The following CTNNA3 variants were observed in gnomAD, a reference collection of about 807,000 sequenced individuals.
CTNNA3 encodes catenin alpha 3, also known as catenin alpha-3.
A neutral mutation model predicts 95.7 loss-of-function variants in CTNNA3; 76 were observed. That is an observed-to-expected ratio of 0.79 (90% CI 0.66 to 0.96). CTNNA3 has a LOEUF of 0.96. CTNNA3 is among the 40% of genes least tolerant of loss of function. CTNNA3 has a pLI of 0.00. For missense variants in CTNNA3, 1,191 were observed against 1,089.8 expected, an observed-to-expected ratio of 1.09 and a Z score of -1.31; for synonymous variants, 431 against 374.4, an observed-to-expected ratio of 1.15 and a Z score of -1.74.
intron 13 of CTNNA3, among the ~76,000 whole-genome samples, chr10:66,244,171 A>G (rs181834648): frequency 6.6e-6 from 1 of 152,256 alleles, no homozygotes; most frequent in Non-Finnish European, 1.5e-5. Flanking sequence ...CTGCCTATGG[A>G]AAGAGGTAGG....
At chr10:66,208,541 T>C (rs1273767060) in intron 13 of CTNNA3, among the ~76,000 whole-genome samples, 1 of 151,956 alleles carries the variant, frequency 6.6e-6, no homozygotes, top group Non-Finnish European at 1.5e-5. Flanking sequence ...CTTCAGTGAA[T>C]AGATTTTAAA....
intron 14 of CTNNA3, among the ~76,000 whole-genome samples, chr10:66,091,644 A>T (rs1451854246): frequency 2.6e-4 from 39 of 151,974 alleles, no homozygotes; most frequent in Non-Finnish European, 5.9e-5. Flanking sequence ...TGTTATGGAA[A>T]AAAGTAAAGA....
intron 11 of CTNNA3, among the ~76,000 whole-genome samples, chr10:66,470,694 A>G (rs1023450300): frequency 5.3e-5 from 8 of 151,896 alleles, no homozygotes. Flanking sequence ...AGAAGTAGGA[A>G]GAAAGCCAAG....
At chr10:67,760,306 T>G (rs1484192275) in intron 1 of CTNNA3, among the ~76,000 whole-genome samples, 1 of 151,828 alleles carries the variant, frequency 6.6e-6, no homozygotes, top group Non-Finnish European at 1.5e-5. Context: ...AGGCATTGTC[T>G]ACTGCCATCT....
chr10:67,408,444 C>T (rs1409836238), intron 5 of CTNNA3, among the ~76,000 whole-genome samples: 2 of 151,976 alleles, frequency 1.3e-5, no homozygotes, highest in Non-Finnish European at 1.5e-5. Context: ...CACCTACAAC[C>T]ATCTGATATT....
intron 1 of CTNNA3, among the ~76,000 whole-genome samples, chr10:67,748,702 G>C (rs1379204483): frequency 1.3e-5 from 2 of 152,162 alleles, no homozygotes; most frequent in Non-Finnish European, 1.5e-5. Context: ...CAACTAGTCT[G>C]CAAAATAAGC....
intron 7 of CTNNA3, among the ~76,000 whole-genome samples, chr10:66,892,433 T>C (rs1026829105): frequency 6.6e-6 from 1 of 152,126 alleles, no homozygotes. Flanking sequence ...ATCGCATTAC[T>C]CTTTTGGAAA....
intron 1 of CTNNA3, among the ~76,000 whole-genome samples, chr10:67,705,309 C>G (rs1841071248): frequency 6.6e-6 from 1 of 151,942 alleles, no homozygotes; most frequent in East Asian, 1.9e-4. Flanking sequence ...AATCATGCTG[C>G]TATAAAGACA....
intron 7 of CTNNA3, among the ~76,000 whole-genome samples, chr10:67,167,273 T>A (rs988578866): frequency 6.6e-6 from 1 of 152,144 alleles, no homozygotes; most frequent in Admixed American, 6.6e-5. Context: ...ACATACAAGA[T>A]ACCATATTTA....
chr10:66,332,041 CTGTT>C lies in CTNNA3; in HGVS notation c.1732+47107_1732+47110del, dbSNP rs1194524175. On this transcript the variant is annotated intron_variant, in intron 12 of 17. Transcript: ENST00000433211. ...GGGAGTTCACTCATGATTTGGCTCT[CTGTT>C]TGTCTGTTATTGGTGTATAAGAATG... Among the ~76,000 whole-genome samples the C allele has an allele frequency of 5.9e-5, 9 of 152,054 alleles. No homozygotes were observed. In the South Asian group the frequency reaches 8.3e-4, roughly 14 times the overall value.
intron 5 of CTNNA3, among the ~76,000 whole-genome samples, chr10:67,382,886 T>C (rs1048099886): frequency 6.6e-6 from 1 of 152,112 alleles, no homozygotes; most frequent in African/African-American, 2.4e-5. Flanking sequence ...TGTGAACTCA[T>C]ACAGTAAGAA....
At chr10:66,118,677 A>G (rs1431665963) in intron 13 of CTNNA3, among the ~76,000 whole-genome samples, 2 of 152,170 alleles carry the variant, frequency 1.3e-5, no homozygotes, top group Non-Finnish European at 2.9e-5. Flanking sequence ...ACTATGCAGA[A>G]ACCAGTAATA....
intron 1 of CTNNA3, among the ~76,000 whole-genome samples, chr10:67,709,080 C>G (rs890072209): frequency 6.6e-6 from 1 of 152,012 alleles, no homozygotes; most frequent in African/African-American, 2.4e-5. Flanking sequence ...CCCTTATGCA[C>G]AGAATCACTA....
intron 9 of CTNNA3, among the ~76,000 whole-genome samples, chr10:66,650,856 T>TGCAGACCCAAA (rs1564594953): frequency 6.6e-6 from 1 of 152,040 alleles, no homozygotes; most frequent in African/African-American, 2.4e-5. Flanking sequence ...ATAAAGGCGG[T>TGCAGACCCAAA]GCAGACCCAA....
intron 11 of CTNNA3, among the ~76,000 whole-genome samples, chr10:66,389,551 C>T (rs2092919724): frequency 6.6e-6 from 1 of 152,020 alleles, no homozygotes; most frequent in South Asian, 2.1e-4. Context: ...AATAGTAATA[C>T]ATGGGATAAT....
At chr10:67,743,949 T>C (rs969011031) in intron 1 of CTNNA3, among the ~76,000 whole-genome samples, 2 of 151,204 alleles carry the variant, frequency 1.3e-5, no homozygotes, top group African/African-American at 2.4e-5. Flanking sequence ...TTACAAGGGA[T>C]GTGAAAGACC....
At chr10:66,772,861 C>T (rs987768712) in intron 8 of CTNNA3, among the ~76,000 whole-genome samples, 2 of 152,142 alleles carry the variant, frequency 1.3e-5, no homozygotes, top group Non-Finnish European at 2.9e-5. Context: ...GGAAGATGGG[C>T]TCTGCTTATT....
At chr10:67,152,880 C>T (rs777478212) in intron 7 of CTNNA3, among the ~76,000 whole-genome samples, 1 of 152,084 alleles carries the variant, frequency 6.6e-6, no homozygotes, top group Non-Finnish European at 1.5e-5. Flanking sequence ...GAGAATGAAA[C>T]TAACGTTTAT....
chr10:67,702,924 T>C (rs1435945573), intron 1 of CTNNA3, among the ~76,000 whole-genome samples: 2 of 151,630 alleles, frequency 1.3e-5, no homozygotes, highest in Non-Finnish European at 2.9e-5. Flanking sequence ...ATAGACGCAA[T>C]AAAAAATGAT....
Sources: allele counts gnomAD v4.1 joint callset (sites outside exome capture counted in the v4.1 genomes callset), GRCh38; gene constraint gnomAD v4.1.1; transcripts MANE v1.5; gene names NCBI Gene and HGNC (gene_info 2026-07-23, HGNC 2026-07-21).